FBXL2: variants seen among roughly 807,000 people sequenced by gnomAD.
The protein encoded by FBXL2 is F-box/LRR-repeat protein 2.
A neutral mutation model predicts 69.2 loss-of-function variants in FBXL2; 38 were observed. That is an observed-to-expected ratio of 0.55 (90% CI 0.42 to 0.72). FBXL2 has a LOEUF of 0.72. Ranked by LOEUF, FBXL2 falls within the 30% of genes least tolerant of loss-of-function variation. The probability of loss-of-function intolerance (pLI) is 0.00; values close to 1 mark genes in which losing one functional copy is unlikely to be tolerated. For synonymous variants in FBXL2, 192 were observed against 201.3 expected, an observed-to-expected ratio of 0.95 and a Z score of 0.39; for missense variants, 354 against 520.3, an observed-to-expected ratio of 0.68 and a Z score of 3.11.
At chr3:33,358,567 G>T (rs2041382938) in intron 2 of FBXL2, among the ~76,000 whole-genome samples, 3 of 152,060 alleles carry the variant, frequency 2.0e-5, no homozygotes, top group Admixed American at 2.0e-4. Flanking sequence ...AAACCAAATG[G>T]GCTTTGTCAT....
chr3:33,412,967 C>G, the FBXL2 span: 2 of 521,288 alleles, frequency 3.8e-6, no homozygotes, highest in Non-Finnish European at 6.9e-6. Context: ...TAAGTGAACT[C>G]TTTTGCCCTT....
chr3:33,379,960 C>T (rs911421740), intron 13 of FBXL2, among the ~76,000 whole-genome samples: 3 of 152,066 alleles, frequency 2.0e-5, no homozygotes, highest in Admixed American at 6.6e-5. Context: ...GGGCTGGGCA[C>T]GGTGGCTCAC....
chr3:33,340,552 CT>C (rs1490432485), intron 2 of FBXL2, among the ~76,000 whole-genome samples: 1 of 147,592 alleles, frequency 6.8e-6, no homozygotes, highest in Non-Finnish European at 1.5e-5. Context: ...GAGCCTCCCC[CT>C]GGCCAAAATG....
At chr3:33,384,370 G>A (rs767740849) in intron 14 of FBXL2, among the ~76,000 whole-genome samples, 169 bp downstream of exon 14, 11 of 152,072 alleles carry the variant, frequency 7.2e-5, no homozygotes, top group Non-Finnish European at 1.5e-4. Flanking sequence ...AGACCAGTCT[G>A]GTCAAAATGG....
chr3:33,329,844 A>C (rs995968572), intron 2 of FBXL2, among the ~76,000 whole-genome samples: 1 of 152,090 alleles, frequency 6.6e-6, no homozygotes, highest in Admixed American at 6.5e-5. Context: ...TTTTTAAAAA[A>C]TGAGCCAGGC....
At chr3:33,373,476 G>C (rs956310242) in intron 7 of FBXL2, 102 bp from the exon 8 acceptor site, 1 of 1,563,960 alleles carries the variant, frequency 6.4e-7, no homozygotes, top group African/African-American at 1.4e-5. Flanking sequence ...TCCCAGGCAT[G>C]GTCTCCCCTT....
intron 2 of FBXL2, among the ~76,000 whole-genome samples, chr3:33,322,736 A>T (rs150807564): frequency 6.6e-6 from 1 of 152,312 alleles, no homozygotes; most frequent in African/African-American, 2.4e-5. Flanking sequence ...AAGTAGATGC[A>T]ATTACTGGTA....
chr3:33,340,462 G>A (rs1426165034), intron 2 of FBXL2, among the ~76,000 whole-genome samples: 1 of 150,812 alleles, frequency 6.6e-6, no homozygotes, highest in Non-Finnish European at 1.5e-5. Context: ...TGTATGAGAT[G>A]GAACTAGAAC....
chr3:33,287,440 T>C (rs2034759781), intron 1 of FBXL2, among the ~76,000 whole-genome samples: 1 of 152,206 alleles, frequency 6.6e-6, no homozygotes, highest in Admixed American at 6.5e-5. Context: ...AATTCTTCAA[T>C]GTCCCTAAGA....
chr3:33,403,043 CAT>C (rs1173237686), intron 12 of FBXL2: 14 of 758,420 alleles, frequency 1.8e-5, no homozygotes, highest in African/African-American at 1.1e-4. Context: ...CTCACAGACA[CAT>C]GTCAAATTTA....
At chr3:33,328,860 A>G (rs896393507) in intron 2 of FBXL2, among the ~76,000 whole-genome samples, 1 of 151,926 alleles carries the variant, frequency 6.6e-6, no homozygotes, top group Non-Finnish European at 1.5e-5. Flanking sequence ...ACAGGCAACC[A>G]AAGCAAAAAT....
chr3:33,332,133 A>T (rs186990153), intron 2 of FBXL2, among the ~76,000 whole-genome samples: 34 of 152,196 alleles, frequency 2.2e-4, no homozygotes, highest in Middle Eastern at 3.4e-3. Context: ...AAATAGAAGA[A>T]CTCTAAAGAC....
chr3:33,317,098 A>G (rs1456479463), intron 2 of FBXL2, among the ~76,000 whole-genome samples: 2 of 151,936 alleles, frequency 1.3e-5, no homozygotes, highest in African/African-American at 4.8e-5. Context: ...AGGTCTCACT[A>G]TGTTGCCCAG....
chr3:33,400,987 T>C, intron 12 of FBXL2: 1 of 1,594,398 alleles, frequency 6.3e-7, no homozygotes, highest in Non-Finnish European at 8.5e-7. Context: ...TGAAGCTCCA[T>C]CTCCCTGATG....
chr3:33,405,456 A>C (rs1224566350), downstream of FBXL2, among the ~76,000 whole-genome samples: 1 of 152,238 alleles, frequency 6.6e-6, no homozygotes, highest in African/African-American at 2.4e-5. Flanking sequence ...GCAGCTATTT[A>C]AATTTATGAT....
intron 5 of FBXL2, chr3:33,372,693 T>C (rs2042370471): frequency 7.7e-6 from 2 of 259,716 alleles, no homozygotes; most frequent in East Asian, 9.1e-5. Context: ...AGTGACAGCA[T>C]GGCACAGTAC....
At chr3:33,399,771 G>A (rs999869359) in intron 12 of FBXL2, among the ~76,000 whole-genome samples, 2 of 152,140 alleles carry the variant, frequency 1.3e-5, no homozygotes, top group African/African-American at 4.8e-5. Flanking sequence ...CATACGTTGT[G>A]CCAATGTCAG....
At chr3:33,411,679 T>A in the FBXL2 span, 2 of 1,613,510 alleles carry the variant, frequency 1.2e-6, no homozygotes, top group Non-Finnish European at 8.5e-7. Context: ...CCCACAGACA[T>A]TGGAATATCT....
chr3:33,310,276 C>G (rs754266536), intron 2 of FBXL2, among the ~76,000 whole-genome samples: 65 of 151,770 alleles, frequency 4.3e-4, no homozygotes, highest in Non-Finnish European at 6.8e-4. Context: ...CTCAGCCTCC[C>G]GAGTAGCTGG....
Sources: gnomAD v4.1 joint callset for allele counts (sites outside exome capture counted in the v4.1 genomes callset) on GRCh38, gnomAD v4.1.1 for gene constraint, MANE v1.5 for transcripts, NCBI Gene and HGNC (gene_info 2026-07-23, HGNC 2026-07-21) for gene names.